The following ARL15 variants were observed in gnomAD, a reference collection of about 807,000 sequenced individuals.
The protein encoded by ARL15 is ADP-ribosylation factor-like protein 15.
A neutral mutation model predicts 25.2 loss-of-function variants in ARL15; 19 were observed. That is an observed-to-expected ratio of 0.75 (90% CI 0.53 to 1.10). The LOEUF is 1.10. ARL15 is among the 50% of genes least tolerant of loss of function. The pLI is 0.00. For synonymous variants in ARL15, 94 were observed against 86.8 expected (o/e 1.08, Z -0.46); for missense variants, 220 against 246.0 (o/e 0.89, Z 0.71).
intron 1 of ARL15, among the ~76,000 whole-genome samples, chr5:54,266,138 C>G (rs1757618399): frequency 6.6e-6 from 1 of 152,208 alleles, no homozygotes; most frequent in Non-Finnish European, 1.5e-5. Flanking sequence ...GCAGCAACAT[C>G]TTTTGAGCCT....
chr5:53,887,026 C>G (rs1198738485), intron 4 of ARL15, among the ~76,000 whole-genome samples: 1 of 152,138 alleles, frequency 6.6e-6, no homozygotes, highest in African/African-American at 2.4e-5. Flanking sequence ...AGTCAAGATA[C>G]ATTGCAGACA....
intron 4 of ARL15, among the ~76,000 whole-genome samples, chr5:53,904,630 A>G (rs1319109818): frequency 6.6e-6 from 1 of 152,112 alleles, no homozygotes; most frequent in African/African-American, 2.4e-5. Context: ...AATATAAAAC[A>G]CAACTCTGAT....
At chr5:54,258,444 A>G (rs555652417) in intron 1 of ARL15, among the ~76,000 whole-genome samples, 1 of 152,322 alleles carries the variant, frequency 6.6e-6, no homozygotes, top group South Asian at 2.1e-4. Context: ...GATCTGAGGC[A>G]AGAGATTCAT....
At chr5:54,109,616 C>T (rs985632762) in intron 4 of ARL15, among the ~76,000 whole-genome samples, 1 of 151,952 alleles carries the variant, frequency 6.6e-6, no homozygotes, top group Non-Finnish European at 1.5e-5. Flanking sequence ...GTATGCTCTC[C>T]TATGGGAGTT....
chr5:54,137,047 CCT>C (rs923812434), intron 3 of ARL15, among the ~76,000 whole-genome samples: 1 of 151,530 alleles, frequency 6.6e-6, no homozygotes, highest in Non-Finnish European at 1.5e-5. Flanking sequence ...CAGTAGATAA[CCT>C]TTTTTTTTTT....
At chr5:53,922,376 CATTT>C (rs969680680) in intron 4 of ARL15, among the ~76,000 whole-genome samples, 2 of 152,278 alleles carry the variant, frequency 1.3e-5, no homozygotes, top group Middle Eastern at 3.4e-3. Context: ...TGTACCAGTT[CATTT>C]AGTCTTTGAA....
chr5:54,095,992 G>A (rs1752272978), intron 4 of ARL15, among the ~76,000 whole-genome samples: 1 of 152,168 alleles, frequency 6.6e-6, no homozygotes, highest in Non-Finnish European at 1.5e-5. Flanking sequence ...AGTCCAAAGA[G>A]TCAGGTTTAG....
At chr5:54,208,414 ACG>A (rs1179326130) in intron 1 of ARL15, among the ~76,000 whole-genome samples, 3 of 151,446 alleles carry the variant, frequency 2.0e-5, no homozygotes, top group Non-Finnish European at 1.5e-5. Context: ...GCACACACAC[ACG>A]CACACACACA....
At chr5:54,177,619 A>G (rs1442770338) in intron 1 of ARL15, among the ~76,000 whole-genome samples, 1 of 152,178 alleles carries the variant, frequency 6.6e-6, no homozygotes, top group African/African-American at 2.4e-5. Flanking sequence ...CACTGTACAC[A>G]ATCAGTACTT....
intron 3 of ARL15, among the ~76,000 whole-genome samples, chr5:54,153,741 G>A (rs1285308472): frequency 6.6e-6 from 1 of 152,054 alleles, no homozygotes; most frequent in Non-Finnish European, 1.5e-5. Flanking sequence ...GGTACCAAAC[G>A]CTATTAAAAT....
intron 1 of ARL15, among the ~76,000 whole-genome samples, chr5:54,210,888 T>C (rs1006060256): frequency 1.6e-4 from 24 of 152,344 alleles, no homozygotes; most frequent in Middle Eastern, 3.4e-3. Context: ...TTCAGTCTCA[T>C]AGAACCCAAT....
chr5:54,266,258 T>C (rs1230840393), intron 1 of ARL15, among the ~76,000 whole-genome samples: 1 of 152,088 alleles, frequency 6.6e-6, no homozygotes, highest in East Asian at 1.9e-4. Flanking sequence ...GAATTCAGAG[T>C]TGGAAATGAG....
At chr5:53,947,328 T>A (rs987779570) in intron 4 of ARL15, among the ~76,000 whole-genome samples, 11 of 151,844 alleles carry the variant, frequency 7.2e-5, no homozygotes, top group Non-Finnish European at 5.9e-5. Flanking sequence ...AGGTTTCTCC[T>A]TTCTCCATTA....
chr5:54,291,011 T>C (rs1048350847), intron 1 of ARL15, among the ~76,000 whole-genome samples: 1 of 152,198 alleles, frequency 6.6e-6, no homozygotes, highest in East Asian at 1.9e-4. Flanking sequence ...ACAAAAATTA[T>C]TGTACTGCCA....
chr5:54,023,117 C>T (rs973249428), intron 4 of ARL15, among the ~76,000 whole-genome samples: 3 of 151,648 alleles, frequency 2.0e-5, no homozygotes, highest in Non-Finnish European at 2.9e-5. Context: ...AGAAACTAGA[C>T]TGAAAAAATA....
chr5:54,003,742 G>C (rs1480517921), intron 4 of ARL15, among the ~76,000 whole-genome samples: 1 of 150,796 alleles, frequency 6.6e-6, no homozygotes, highest in African/African-American at 2.4e-5. Flanking sequence ...AATTAAACTT[G>C]AGAAATTTAG....
At chr5:54,117,774 A>C (rs980358539) in intron 3 of ARL15, among the ~76,000 whole-genome samples, 4 of 152,216 alleles carry the variant, frequency 2.6e-5, no homozygotes, top group African/African-American at 9.6e-5. Flanking sequence ...TGTTTGATAG[A>C]CATTTTCTCA....
intron 1 of ARL15, among the ~76,000 whole-genome samples, chr5:54,289,111 G>A (rs1291620627): frequency 1.3e-5 from 2 of 152,154 alleles, no homozygotes; most frequent in African/African-American, 2.4e-5. Flanking sequence ...AGCATAGATC[G>A]GCAATTCCTT....
At chr5:54,151,711 C>T (rs1754074313) in intron 3 of ARL15, among the ~76,000 whole-genome samples, 1 of 148,794 alleles carries the variant, frequency 6.7e-6, no homozygotes, top group South Asian at 2.2e-4. Flanking sequence ...TGTGTGCAAA[C>T]ATATAGTTTG....
Sources: allele counts gnomAD v4.1 joint callset (sites outside exome capture counted in the v4.1 genomes callset), GRCh38; gene constraint gnomAD v4.1.1; transcripts MANE v1.5; gene names NCBI Gene and HGNC (gene_info 2026-07-23, HGNC 2026-07-21).